Variants in PAPSS2 observed in about 807,000 individuals in gnomAD.
PAPSS2 encodes the protein bifunctional 3'-phosphoadenosine 5'-phosphosulfate synthase 2.
A neutral mutation model predicts 66.5 loss-of-function variants in PAPSS2; 61 were observed. That is an observed-to-expected ratio of 0.92 (90% CI 0.75 to 1.14). The LOEUF (loss-of-function observed/expected upper bound fraction) is 1.14. Ranked by LOEUF, PAPSS2 falls within the 50% of genes most tolerant of loss-of-function variation. The probability of loss-of-function intolerance (pLI) is 0.00; values close to 1 mark genes in which losing one functional copy is unlikely to be tolerated. For missense variants in PAPSS2, 708 were observed against 789.6 expected, an observed-to-expected ratio of 0.90 and a Z score of 1.24; for synonymous variants, 289 against 287.5, an observed-to-expected ratio of 1.01 and a Z score of -0.05.
intron 10 of PAPSS2, among the ~76,000 whole-genome samples, chr10:87,743,048 C>G (rs1253102150): frequency 1.3e-5 from 2 of 152,106 alleles, no homozygotes; most frequent in East Asian, 3.9e-4. Context: ...GGGTTCGAGA[C>G]CAGCCTGGCC....
intron 1 of PAPSS2, among the ~76,000 whole-genome samples, chr10:87,701,657 T>G (rs1398647184): frequency 6.6e-6 from 1 of 152,044 alleles, no homozygotes; most frequent in Non-Finnish European, 1.5e-5. Flanking sequence ...TCTCCTGGAC[T>G]CAAGCGATTC....
chr10:87,711,748 C>G (rs982862796), intron 2 of PAPSS2, among the ~76,000 whole-genome samples: 2 of 152,130 alleles, frequency 1.3e-5, no homozygotes, highest in Non-Finnish European at 2.9e-5. Context: ...ACCTTCCCCC[C>G]CACCCAAATC....
chr10:87,747,349 C>G lies in PAPSS2; in HGVS notation c.*1379C>G, dbSNP rs547168975. On this transcript the variant is annotated 3_prime_UTR_variant, in exon 13 of 13. Coordinates refer to ENST00000456849, the MANE Select transcript of PAPSS2 (RefSeq NM_001015880.2). Reference sequence around the variant, plus strand: ...ATATATAGGTCTCTCTGGAAGAGACCTAAATTAGAAAGAGAAAACTGTGAC... The same window carrying G: ...ATATATAGGTCTCTCTGGAAGAGACGTAAATTAGAAAGAGAAAACTGTGAC... The G allele has an allele frequency of 2.0e-5, 3 of 152,074 alleles. No homozygotes were observed. The highest frequency in any genetic ancestry group is 4.2e-4 in the South Asian group (2 of 4,814). 9.4% of individuals were successfully genotyped at this position (152,074 alleles called of 1,614,324 possible).
At chr10:87,675,133 A>C (rs966762023) in intron 1 of PAPSS2, among the ~76,000 whole-genome samples, 1 of 152,228 alleles carries the variant, frequency 6.6e-6, no homozygotes, top group Non-Finnish European at 1.5e-5. Context: ...ACACTATTCA[A>C]ATGAATCTTT....
chr10:87,717,886 T>C (rs1204051905), intron 7 of PAPSS2, among the ~76,000 whole-genome samples: 2 of 151,936 alleles, frequency 1.3e-5, no homozygotes, highest in Non-Finnish European at 2.9e-5. Flanking sequence ...CTTAAAAGAG[T>C]CTGTGATCCA....
In PAPSS2 at chr10:87,713,312, TAAAAAAAA is replaced by T. The variant is rs367885911; in HGVS notation, c.381+17_381+24del. The T allele has an allele frequency of 1.2e-4, 71 of 575,072 alleles. No individual in the cohort carries two copies. Among genetic ancestry groups the T allele is most frequent in the South Asian group, 5.6e-4 (26 of 46,114 alleles). The allele number at this position is 575,072 out of a possible 1,614,324, so 35.6% of individuals were successfully genotyped here. ...AGCTTTATTTCTCCATTCGCAAAGG[TAAAAAAAA>T]AAAAAAAAAAAAAAGGCACTACACA... On this transcript the variant is annotated splice_donor_5th_base_variant and intron_variant, in intron 3 of 12. Transcript: ENST00000456849.
intron 1 of PAPSS2, among the ~76,000 whole-genome samples, chr10:87,706,096 A>ATG (rs1853381480): frequency 1.2e-5 from 1 of 86,832 alleles, no homozygotes; most frequent in Admixed American, 1.2e-4. Flanking sequence ...ATATATATAT[A>ATG]TATATATATA....
chr10:87,691,597 A>G (rs77828450), intron 1 of PAPSS2, among the ~76,000 whole-genome samples: 8,523 of 152,234 alleles, frequency 0.056, 798 homozygotes, highest in African/African-American at 0.19. Context: ...TATTTTTAAC[A>G]AGTGCCCATG....
intron 1 of PAPSS2, among the ~76,000 whole-genome samples, chr10:87,662,566 C>T (rs2131890885): frequency 6.7e-6 from 1 of 149,354 alleles, no homozygotes; most frequent in Admixed American, 6.7e-5. Context: ...CCACCCCCAC[C>T]CCCTATACAC....
chr10:87,699,345 A>G (rs768304882), intron 1 of PAPSS2, among the ~76,000 whole-genome samples: 21 of 152,282 alleles, frequency 1.4e-4, no homozygotes, highest in Non-Finnish European at 2.8e-4. Flanking sequence ...CCGGAGTGCA[A>G]TGGTGCATTC....
At chr10:87,739,321 A>G (rs1853839076) in intron 9 of PAPSS2, among the ~76,000 whole-genome samples, 1 of 152,184 alleles carries the variant, frequency 6.6e-6, no homozygotes, top group East Asian at 1.9e-4. Context: ...TTTTAAAAAT[A>G]GGGTTTTAGC....
intron 1 of PAPSS2, among the ~76,000 whole-genome samples, chr10:87,694,020 G>T (rs182644501): frequency 6.6e-6 from 1 of 152,210 alleles, no homozygotes; most frequent in African/African-American, 2.4e-5. Context: ...ACAAATCAAC[G>T]AAACGTTTAT....
chr10:87,664,697 A>T (rs866963980), intron 1 of PAPSS2, among the ~76,000 whole-genome samples: 1 of 152,226 alleles, frequency 6.6e-6, no homozygotes, highest in South Asian at 2.1e-4. Flanking sequence ...AATGATGTCA[A>T]TCTCAGTCCT....
At chr10:87,705,689 G>C (rs1311742655) in intron 1 of PAPSS2, among the ~76,000 whole-genome samples, 1 of 151,484 alleles carries the variant, frequency 6.6e-6, no homozygotes, top group Non-Finnish European at 1.5e-5. Flanking sequence ...TAAAGTGACT[G>C]TTCAAATCTT....
chr10:87,669,609 G>A (rs1293075668), intron 1 of PAPSS2, among the ~76,000 whole-genome samples: 1 of 152,160 alleles, frequency 6.6e-6, no homozygotes, highest in Non-Finnish European at 1.5e-5. Context: ...TGGAATGTGC[G>A]TTATTTATCT....
chr10:87,730,688 T>C (rs147961317), intron 9 of PAPSS2, among the ~76,000 whole-genome samples: 6 of 152,310 alleles, frequency 3.9e-5, no homozygotes, highest in African/African-American at 1.2e-4. Flanking sequence ...GGGTAAAATA[T>C]TTTGGTTTCC....
intron 9 of PAPSS2, among the ~76,000 whole-genome samples, chr10:87,727,858 C>T (rs117080538): frequency 1.3e-5 from 2 of 152,086 alleles, no homozygotes; most frequent in African/African-American, 2.4e-5. Context: ...CTTGAAAATG[C>T]GCAAGGAACA....
In PAPSS2 at chr10:87,727,289, G is replaced by A. The variant is rs45467596; in HGVS notation, c.886G>A (p.Val296Met). The A allele has an allele frequency of 0.012, 19,288 of 1,612,812 alleles. 141 individuals carry two copies. Among genetic ancestry groups the A allele is most frequent in the Middle Eastern group, 0.02 (107 of 5,252 alleles). The change falls in exon 9 of 13, where the codon GTG becomes ATG. Residue 296 changes from valine (V) to methionine (M), a missense_variant. Physicochemically the swap from Val to Met is conservative, Grantham distance 21 (BLOSUM62 1). Transcript: ENST00000456849. ...LLDGMALPDG[V>M]INMSIPIVLP... ...TCACATGGCTCTTTCCACAGATGGC[G>A]TGATCAACATGAGCATCCCCATTGT...
intron 1 of PAPSS2, among the ~76,000 whole-genome samples, chr10:87,672,250 TG>T (rs1852887104): frequency 6.6e-6 from 1 of 152,204 alleles, no homozygotes; most frequent in South Asian, 2.1e-4. Context: ...TCAGGGATAT[TG>T]GGATGATATT....
Sources: allele counts gnomAD v4.1 joint callset (sites outside exome capture counted in the v4.1 genomes callset), GRCh38; gene constraint gnomAD v4.1.1; transcripts MANE v1.5; gene names NCBI Gene and HGNC (gene_info 2026-07-23, HGNC 2026-07-21).